Variants in SRPK2 observed in about 807,000 individuals in gnomAD.
SRPK2 encodes the protein SFRS protein kinase 2.
In SRPK2, 21 loss-of-function variants were observed where a neutral mutation model predicts 90.8. That is an observed-to-expected ratio of 0.23 (90% CI 0.16 to 0.33). SRPK2 has a LOEUF of 0.33. Among genes scored for constraint, SRPK2 ranks in the 10% least tolerant of loss-of-function variants. The pLI, the probability that SRPK2 is intolerant of heterozygous loss-of-function variation, is 1.00. For missense variants in SRPK2, 620 were observed against 869.0 expected, an observed-to-expected ratio of 0.71 and a Z score of 3.60; for synonymous variants, 288 against 311.1, an observed-to-expected ratio of 0.93 and a Z score of 0.78.
intron 6 of SRPK2, among the ~76,000 whole-genome samples, chr7:105,164,124 G>A (rs957050205): frequency 6.6e-6 from 1 of 152,172 alleles, no homozygotes; most frequent in African/African-American, 2.4e-5. Context: ...TAACTACCAA[G>A]AGGTGGCAGT....
intron 2 of SRPK2, among the ~76,000 whole-genome samples, chr7:105,313,648 G>A (rs529502749): frequency 1.9e-4 from 29 of 151,850 alleles, no homozygotes; most frequent in Admixed American, 1.0e-3. Flanking sequence ...CTACTTGGGA[G>A]GCTGAGGGAG....
chr7:105,345,871 A>C (rs1260035997), intron 2 of SRPK2, among the ~76,000 whole-genome samples: 2 of 152,246 alleles, frequency 1.3e-5, no homozygotes, highest in Non-Finnish European at 2.9e-5. Flanking sequence ...CACACTAGTC[A>C]CACTTCACAT....
At position 105,378,626 on chromosome 7, in the gene SRPK2, G is replaced by A. The variant is rs189099997; in HGVS notation, c.71+10022C>T. On this transcript the variant is annotated intron_variant, in intron 2 of 15. Transcript: ENST00000393651. ...AAAAATACAAAAATTAGCTGGGCACGGTGGCACACACCTGTAGTCCCAGCT... is the reference window on the plus strand; with the variant it reads ...AAAAATACAAAAATTAGCTGGGCACAGTGGCACACACCTGTAGTCCCAGCT... Among the ~76,000 whole-genome samples the A allele has an allele frequency of 1.6e-4, 25 of 152,118 alleles. No homozygotes were observed. In the East Asian group the frequency reaches 4.3e-3, roughly 26 times the overall value.
rs35765090 is a variant in SRPK2, at chr7:105,359,150, C to CTTTTTTTTTTTT, written c.71+29486_71+29497dup. 1.6e-4 allele frequency among the ~76,000 whole-genome samples: 9 copies of CTTTTTTTTTTTT among 54,830 alleles called. 1 individual carries two copies. In the East Asian group the frequency reaches 3.5e-3, roughly 21 times the overall value. 36.0% of individuals were successfully genotyped at this position (54,830 alleles called of 152,430 possible). A position where few individuals can be genotyped will look rare whatever the true frequency, so the allele number is the denominator to read the frequency against. On this transcript the variant is annotated intron_variant, in intron 2 of 15. Transcript: ENST00000393651. The stretch of plus-strand genomic sequence containing the variant: ...CAAACAAACCATATCCAAACCACAG[C>CTTTTTTTTTTTT]TTTTTTTTTTTTTTTTTTTTTTTTT...
chr7:105,380,333 T>C (rs769795563), intron 2 of SRPK2, among the ~76,000 whole-genome samples: 17 of 151,992 alleles, frequency 1.1e-4, no homozygotes, highest in Non-Finnish European at 1.9e-4. Flanking sequence ...GGTTTCATCA[T>C]GTTGGCCAGG....
At chr7:105,184,962 T>G (rs533691505) in intron 3 of SRPK2, among the ~76,000 whole-genome samples, 1 of 152,178 alleles carries the variant, frequency 6.6e-6, no homozygotes, top group South Asian at 2.1e-4. Flanking sequence ...AAAGGAGGAG[T>G]AGACATTCTA....
chr7:105,369,069 C>T (rs907476533), intron 2 of SRPK2, among the ~76,000 whole-genome samples: 1 of 151,698 alleles, frequency 6.6e-6, no homozygotes, highest in African/African-American at 2.4e-5. Context: ...CCAATTCTCT[C>T]AGAGTAGAGC....
chr7:105,296,939 C>T (rs1260072816), intron 2 of SRPK2, among the ~76,000 whole-genome samples: 1 of 152,154 alleles, frequency 6.6e-6, no homozygotes, highest in Non-Finnish European at 1.5e-5. Flanking sequence ...CAAATCCAGG[C>T]ACTCCAGCTC....
intron 2 of SRPK2, among the ~76,000 whole-genome samples, chr7:105,282,357 T>C (rs957608437): frequency 2.0e-5 from 3 of 152,154 alleles, no homozygotes; most frequent in African/African-American, 7.2e-5. Context: ...AGGCTAAAAC[T>C]ATTAAACTCT....
rs1381861767 is a variant in SRPK2, at chr7:105,126,258, G to A, written c.1905C>T (p.Phe635=). The change falls in exon 15 of 16, where the codon TTC becomes TTT. Residue 635 remains phenylalanine (F), a synonymous_variant. Transcript: ENST00000393651. ...ALSGKYSREF[F]NRRGELRHIT... ...AAGAAGAGGTACTACCTCTGCGATT[G>A]AAGAATTCCCGAGAATATTTTCCAG... 6.2e-7 allele frequency: 1 copy of A among 1,613,208 alleles called. No individual in the cohort carries two copies. The highest frequency in any genetic ancestry group is 1.7e-5 in the Admixed American group (1 of 60,014).
chr7:105,399,007 GAAACACTTATAGAAGTATCTAAGCAT>G, intron 1 of SRPK2: 2 of 152,138 alleles, frequency 1.3e-5, no homozygotes, highest in African/African-American at 4.8e-5. Context: ...TAGTTCACAT[GAAACACTTATAGAAGTATCTAAGCAT>G]TCAATAAATA....
intron 2 of SRPK2, among the ~76,000 whole-genome samples, chr7:105,345,631 C>T (rs1816365053): frequency 1.3e-5 from 2 of 152,160 alleles, no homozygotes; most frequent in South Asian, 4.1e-4. Context: ...ATGAAAACTT[C>T]TCAAACTCGT....
At chr7:105,250,491 T>C (rs1802338036) in intron 2 of SRPK2, among the ~76,000 whole-genome samples, 1 of 152,174 alleles carries the variant, frequency 6.6e-6, no homozygotes, top group Non-Finnish European at 1.5e-5. Flanking sequence ...CATCAGTCAC[T>C]GTAATTTCAC....
At chr7:105,325,786 C>A (rs1291142130) in intron 2 of SRPK2, among the ~76,000 whole-genome samples, 1 of 152,146 alleles carries the variant, frequency 6.6e-6, no homozygotes, top group Non-Finnish European at 1.5e-5. Context: ...CCCAGGAGGT[C>A]AAGGGTGCAG....
intron 2 of SRPK2, among the ~76,000 whole-genome samples, chr7:105,350,271 A>G (rs2132048786): frequency 6.7e-6 from 1 of 149,574 alleles, no homozygotes; most frequent in South Asian, 2.1e-4. Flanking sequence ...AGCTGGGATT[A>G]TAGGCACATG....
At chr7:105,387,704 C>G (rs779048725) in intron 2 of SRPK2, among the ~76,000 whole-genome samples, 1 of 152,170 alleles carries the variant, frequency 6.6e-6, no homozygotes, top group Non-Finnish European at 1.5e-5. Flanking sequence ...AGATGCCACA[C>G]AGAGTATTCT....
At chr7:105,168,745 A>ATGTGTGAGTGTGTG (rs1790415342) in intron 4 of SRPK2, among the ~76,000 whole-genome samples, 1 of 104,008 alleles carries the variant, frequency 9.6e-6, no homozygotes, top group Non-Finnish European at 2.1e-5. Context: ...CACGCACCAA[A>ATGTGTGAGTGTGTG]TGTGTGTGTG....
chr7:105,267,581 T>C (rs1805267452), intron 2 of SRPK2, among the ~76,000 whole-genome samples: 1 of 152,208 alleles, frequency 6.6e-6, no homozygotes, highest in Admixed American at 6.5e-5. Context: ...TAAAATTTTC[T>C]ACTTTCAGTC....
chr7:105,365,637 A>C (rs1818956231), intron 2 of SRPK2, among the ~76,000 whole-genome samples: 1 of 151,324 alleles, frequency 6.6e-6, no homozygotes, highest in Non-Finnish European at 1.5e-5. Context: ...GTCTCCACAA[A>C]ATGATTTAAA....
Sources: gnomAD v4.1 joint callset for allele counts (sites outside exome capture counted in the v4.1 genomes callset) on GRCh38, gnomAD v4.1.1 for gene constraint, MANE v1.5 for transcripts, NCBI Gene and HGNC (gene_info 2026-07-23, HGNC 2026-07-21) for gene names.